DMD: variants seen among roughly 807,000 people sequenced by gnomAD.
The protein encoded by DMD is mutant dystrophin.
Under a neutral mutation model 330.1 loss-of-function variants are expected in DMD, and 63 were observed. The observed-to-expected ratio is 0.19, with a 90% CI of 0.16 to 0.24. The LOEUF is 0.24. Ranked by LOEUF, DMD falls within the 10% of genes least tolerant of loss-of-function variation. The pLI is 1.00. For missense variants in DMD, 3,344 were observed against 2,684.1 expected (o/e 1.25, Z -5.43); for synonymous variants, 1,223 against 959.8 (o/e 1.27, Z -5.07).
chrX:32,750,650 C>T (rs1359277643), intron 7 of DMD, among the ~76,000 whole-genome samples: 2 of 110,528 alleles, frequency 1.8e-5, no homozygotes, highest in African/African-American at 6.6e-5. Flanking sequence ...AGTTAAAGGC[C>T]TGAAAGCCAA....
intron 44 of DMD, among the ~76,000 whole-genome samples, chrX:32,065,219 G>A (rs2096251997): frequency 9.0e-6 from 1 of 111,336 alleles, no homozygotes; most frequent in Non-Finnish European, 1.9e-5. Context: ...TCACACCACA[G>A]GAACATGTCA....
chrX:31,222,741 G>A (rs746058025), intron 64 of DMD, among the ~76,000 whole-genome samples: 50 of 111,934 alleles, frequency 4.5e-4, no homozygotes, highest in Non-Finnish European at 7.0e-4. Context: ...GTAGAACAAG[G>A]ATTGTGCAAG....
intron 34 of DMD, among the ~76,000 whole-genome samples, chrX:32,368,755 C>T (rs961263852): frequency 2.7e-5 from 3 of 111,468 alleles, no homozygotes; most frequent in Non-Finnish European, 3.8e-5. Flanking sequence ...CAAAAGCATC[C>T]GATTCTCAGC....
At chrX:32,801,639 T>C (rs1286190312) in intron 7 of DMD, among the ~76,000 whole-genome samples, 1 of 112,241 alleles carries the variant, frequency 8.9e-6, no homozygotes, top group Non-Finnish European at 1.9e-5. Context: ...TTTATGGTTT[T>C]AGGTATTACA....
intron 18 of DMD, among the ~76,000 whole-genome samples, chrX:32,516,180 TGTA>T (rs751182629): frequency 2.9e-3 from 324 of 111,654 alleles, no homozygotes; most frequent in African/African-American, 9.8e-3. Flanking sequence ...CGACAGGTGA[TGTA>T]GTAAGAAAAT....
intron 1 of DMD, among the ~76,000 whole-genome samples, chrX:33,274,254 A>G (rs2053201991): frequency 8.9e-6 from 1 of 112,006 alleles, no homozygotes; most frequent in African/African-American, 3.2e-5. Flanking sequence ...TTTCTTCATT[A>G]TACTTTATGT....
At chrX:32,215,944 A>G (rs1340008401) in intron 44 of DMD, among the ~76,000 whole-genome samples, 1 of 112,367 alleles carries the variant, frequency 8.9e-6, no homozygotes, top group African/African-American at 3.2e-5. Context: ...TTAAATGCTT[A>G]ACTCCTTAAT....
At chrX:32,526,335 ATT>A (rs1029122121) in intron 17 of DMD, among the ~76,000 whole-genome samples, 1 of 111,872 alleles carries the variant, frequency 8.9e-6, no homozygotes, top group African/African-American at 3.2e-5. Flanking sequence ...TGAAGCGACA[ATT>A]TTTTTCTCCT....
chrX:33,185,382 C>T (rs892997999), intron 1 of DMD, among the ~76,000 whole-genome samples: 1 of 110,789 alleles, frequency 9.0e-6, no homozygotes, highest in African/African-American at 3.3e-5. Flanking sequence ...CACTGTGCTT[C>T]GGTTTTGTTT....
chrX:32,011,327 G>C (rs753081208), intron 44 of DMD, among the ~76,000 whole-genome samples: 1 of 111,424 alleles, frequency 9.0e-6, no homozygotes, highest in African/African-American at 3.3e-5. Flanking sequence ...TGTGCATGAA[G>C]GGATCTAGAG....
chrX:32,679,249 T>G (rs765859311), intron 9 of DMD, among the ~76,000 whole-genome samples: 2 of 111,262 alleles, frequency 1.8e-5, no homozygotes, highest in African/African-American at 6.5e-5. Flanking sequence ...ACAGGGGAAG[T>G]TAATAGAAGG....
At chrX:31,845,422 T>TCTCTCTCTCC (rs1214050833) in intron 48 of DMD, among the ~76,000 whole-genome samples, 3 of 89,543 alleles carry the variant, frequency 3.4e-5, no homozygotes, top group African/African-American at 4.4e-5. Flanking sequence ...TCTCTCTCTC[T>TCTCTCTCTCC]CTCCCTCTCC....
At chrX:31,303,527 T>C (rs2046147735) in intron 62 of DMD, among the ~76,000 whole-genome samples, 1 of 111,714 alleles carries the variant, frequency 9.0e-6, no homozygotes, top group African/African-American at 3.3e-5. Context: ...CCTCCTATGA[T>C]ATCTATCCTC....
intron 44 of DMD, among the ~76,000 whole-genome samples, chrX:32,029,111 G>C (rs1264460121): frequency 9.0e-6 from 1 of 111,071 alleles, no homozygotes; most frequent in African/African-American, 3.3e-5. Flanking sequence ...CAGAGATCAA[G>C]CAGGTGGGAA....
rs181248759 is a variant in DMD, at chrX:31,968,629, A to G, written c.6439-115T>C. 433 of 820,590 alleles carry G rather than the reference A, an allele frequency of 5.3e-4. 4 individuals carry two copies. In the East Asian group the frequency reaches 0.013, roughly 26 times the overall value. 67.6% of individuals were successfully genotyped at this position (820,590 alleles called of 1,213,427 possible). ...GTACTGGCAAAGAAAGAAATACAAA[A>G]GCTCCATGTGAAAATTTCCCTATGA... On this transcript the variant is annotated intron_variant, in intron 44 of 78. Coordinates refer to ENST00000357033, the MANE Select transcript of DMD (RefSeq NM_004006.3).
intron 30 of DMD, among the ~76,000 whole-genome samples, chrX:32,395,198 A>C (rs138675548): frequency 0.012 from 1,300 of 111,475 alleles, 11 homozygotes; most frequent in South Asian, 0.073. Flanking sequence ...TGTGAGAAAA[A>C]AAGAAATTTA....
At chrX:32,645,650 C>A (rs1412138083) in intron 9 of DMD, among the ~76,000 whole-genome samples, 1 of 110,954 alleles carries the variant, frequency 9.0e-6, no homozygotes, top group Non-Finnish European at 1.9e-5. Context: ...GAAAGGAAGG[C>A]AAAATTTAGA....
chrX:31,309,028 C>G (rs745950139), intron 62 of DMD, among the ~76,000 whole-genome samples: 1 of 112,030 alleles, frequency 8.9e-6, no homozygotes, highest in Non-Finnish European at 1.9e-5. Context: ...CACGCCTGGA[C>G]TGCCATCTAT....
At chrX:32,903,237 A>T (rs1251574948) in intron 2 of DMD, among the ~76,000 whole-genome samples, 1 of 106,141 alleles carries the variant, frequency 9.4e-6, no homozygotes, top group Non-Finnish European at 1.9e-5. Context: ...GTAACTAAGC[A>T]TTTAGAGGGG....
Sources: allele counts gnomAD v4.1 joint callset (sites outside exome capture counted in the v4.1 genomes callset), GRCh38; gene constraint gnomAD v4.1.1; transcripts MANE v1.5; gene names NCBI Gene and HGNC (gene_info 2026-07-23, HGNC 2026-07-21).